The following NPHP4 variants were observed in gnomAD, a reference collection of about 807,000 sequenced individuals.
The protein encoded by NPHP4 is nephrocystin 4.
Under a neutral mutation model 155.8 loss-of-function variants are expected in NPHP4, and 151 were observed. The observed-to-expected ratio is 0.97, with a 90% confidence interval of 0.85 to 1.11. NPHP4 has a LOEUF of 1.11. NPHP4 is among the 50% of genes least tolerant of loss of function. The pLI, the probability that NPHP4 is intolerant of heterozygous loss-of-function variation, is 0.00. For missense variants in NPHP4, 1,956 were observed against 1,925.7 expected (o/e 1.02, Z -0.29); for synonymous variants, 845 against 816.8 (o/e 1.03, Z -0.59).
intron 1 of NPHP4, among the ~76,000 whole-genome samples, chr1:5,988,428 C>A (rs1655792815): frequency 6.6e-6 from 1 of 152,180 alleles, no homozygotes; most frequent in Admixed American, 6.5e-5. Flanking sequence ...CAAAAGAATC[C>A]CACTCTTCTA....
intron 6 of NPHP4, among the ~76,000 whole-genome samples, chr1:5,956,070 G>C (rs56837230): frequency 5.4e-5 from 8 of 148,348 alleles, no homozygotes; most frequent in East Asian, 2.0e-4. Context: ...GGGGGGGGGG[G>C]GTGCAGGGAG....
chr1:5,927,091 A>T (rs1257476469), intron 11 of NPHP4, among the ~76,000 whole-genome samples: 1 of 152,254 alleles, frequency 6.6e-6, no homozygotes, highest in African/African-American at 2.4e-5. Flanking sequence ...CAGCAGAAGC[A>T]GCTAGGCTGA....
Position 5,865,149 on chromosome 1 carries a change from T to A in NPHP4, c.3769A>T (p.Thr1257Ser), listed in dbSNP as rs770887836. The A allele has an allele frequency of 2.5e-5, 41 of 1,613,564 alleles. No homozygotes were observed. Among genetic ancestry groups the A allele is most frequent in the Non-Finnish European group, 3.3e-5 (39 of 1,179,826 alleles). ...GTGAAAGCTCTCACTTTCCTCACTG[T>A]CTGTGTCCCCCGAAGGACAAGGGAC... ...RLSLVLRGTQ[T>S]VRKVRAFTSH... The change falls in exon 27 of 30, where the codon ACA becomes TCA. Residue 1257 changes from threonine (T) to serine (S), a missense_variant. Transcript: ENST00000378156.
chr1:5,869,241 A>ACACGCACCCACATG (rs1553154602), intron 23 of NPHP4, among the ~76,000 whole-genome samples: 4 of 108,048 alleles, frequency 3.7e-5, no homozygotes, highest in Admixed American at 1.0e-4. Context: ...ATGCACACAC[A>ACACGCACCCACATG]CACACACACA....
chr1:5,931,145 A>G (rs1646250368), intron 10 of NPHP4, among the ~76,000 whole-genome samples: 2 of 152,202 alleles, frequency 1.3e-5, no homozygotes, highest in South Asian at 4.1e-4. Context: ...AATTTACGTT[A>G]TATTTATTTA....
At chr1:5,938,469 G>C (rs1646659161) in intron 9 of NPHP4, among the ~76,000 whole-genome samples, 1 of 152,190 alleles carries the variant, frequency 6.6e-6, no homozygotes, top group African/African-American at 2.4e-5. Flanking sequence ...AAGCTACTCA[G>C]TCCTCAAATC....
chr1:5,958,856 C>CAAAAAAAAAAAA (rs397705325), intron 6 of NPHP4, among the ~76,000 whole-genome samples: 1 of 75,862 alleles, frequency 1.3e-5, no homozygotes, highest in Admixed American at 1.7e-4. Flanking sequence ...GACCCTGTCT[C>CAAAAAAAAAAAA]AAAAAAAAAA....
intron 9 of NPHP4, among the ~76,000 whole-genome samples, chr1:5,937,581 A>G (rs1356367437): frequency 6.6e-6 from 1 of 151,938 alleles, no homozygotes; most frequent in Admixed American, 6.5e-5. Context: ...GGAACTGGGA[A>G]TGCACAGTGA....
chr1:5,928,870 G>C (rs1393412047), intron 10 of NPHP4, among the ~76,000 whole-genome samples: 3 of 152,164 alleles, frequency 2.0e-5, no homozygotes, highest in African/African-American at 7.2e-5. Flanking sequence ...ATCTTGGGCA[G>C]AACTGACAGC....
At chr1:5,888,839 T>C (rs939589723) in intron 17 of NPHP4, among the ~76,000 whole-genome samples, 1 of 152,202 alleles carries the variant, frequency 6.6e-6, no homozygotes, top group African/African-American at 2.4e-5. Flanking sequence ...CCCATCTGGC[T>C]CTGCATGCCT....
chr1:5,966,446 A>G (rs1651516422), intron 5 of NPHP4, among the ~76,000 whole-genome samples: 2 of 151,906 alleles, frequency 1.3e-5, no homozygotes, highest in Non-Finnish European at 2.9e-5. Context: ...AGGTCTTACT[A>G]TGTTGCCCAG....
intron 9 of NPHP4, among the ~76,000 whole-genome samples, chr1:5,943,454 T>C (rs924812648): frequency 6.6e-6 from 1 of 152,156 alleles, no homozygotes; most frequent in Non-Finnish European, 1.5e-5. Flanking sequence ...AAAGGGCCCC[T>C]AGACACCATA....
chr1:5,883,048 C>T (rs1437230996), intron 18 of NPHP4, among the ~76,000 whole-genome samples: 2 of 152,144 alleles, frequency 1.3e-5, no homozygotes, highest in African/African-American at 4.8e-5. Flanking sequence ...GGCTTCTTAT[C>T]AACGCTTTCA....
intron 2 of NPHP4, among the ~76,000 whole-genome samples, chr1:5,982,414 G>A (rs1198359547): frequency 2.0e-5 from 3 of 152,224 alleles, no homozygotes; most frequent in African/African-American, 7.2e-5. Context: ...GAGCCTAGGT[G>A]TGAGGCAGGC....
intron 2 of NPHP4, among the ~76,000 whole-genome samples, chr1:5,979,168 C>T (rs1038630572): frequency 6.6e-6 from 1 of 152,256 alleles, no homozygotes; most frequent in Non-Finnish European, 1.5e-5. Context: ...AAGAGTCCTC[C>T]ACCTTTCTTT....
chr1:5,870,979 G>A (rs1359923030), intron 23 of NPHP4, among the ~76,000 whole-genome samples: 1 of 152,252 alleles, frequency 6.6e-6, no homozygotes, highest in Non-Finnish European at 1.5e-5. Flanking sequence ...GACAGAAGAG[G>A]AGCGTCAGTT....
chr1:5,932,886 A>C (rs1646349084), intron 10 of NPHP4, among the ~76,000 whole-genome samples: 1 of 152,238 alleles, frequency 6.6e-6, no homozygotes, highest in African/African-American at 2.4e-5. Flanking sequence ...ATCTTGCTGC[A>C]AAGTGTGTAC....
chr1:5,891,197 T>C (rs578171964), intron 16 of NPHP4, among the ~76,000 whole-genome samples, 169 bp from the exon 17 acceptor site: 7 of 152,344 alleles, frequency 4.6e-5, no homozygotes, highest in South Asian at 2.1e-4. Context: ...ATTAACAGAA[T>C]GAAGAGTCAT....
chr1:5,953,330 T>C lies in NPHP4; in HGVS notation c.674-494A>G, dbSNP rs1383262355. ...CATATTGGCCGGGCTGGTCTCGAACTCCTAACCTTGTGATCCGCCTACCTC... is the reference window on the plus strand; with the variant it reads ...CATATTGGCCGGGCTGGTCTCGAACCCCTAACCTTGTGATCCGCCTACCTC... On this transcript the variant is annotated intron_variant, in intron 6 of 29. Coordinates refer to ENST00000378156, the MANE Select transcript of NPHP4 (RefSeq NM_015102.5). Among the ~76,000 whole-genome samples the C allele has an allele frequency of 2.0e-5, 3 of 152,178 alleles. No homozygotes were observed. The East Asian group carries it at 5.8e-4, about 29-fold the overall frequency.
Sources: gnomAD v4.1 joint callset for allele counts (sites outside exome capture counted in the v4.1 genomes callset) on GRCh38, gnomAD v4.1.1 for gene constraint, MANE v1.5 for transcripts, NCBI Gene and HGNC (gene_info 2026-07-23, HGNC 2026-07-21) for gene names.